Variants in TBC1D5 observed in about 807,000 individuals in gnomAD.
TBC1D5 encodes TBC1 domain family member 5.
In TBC1D5, 75 loss-of-function variants were observed where a neutral mutation model predicts 100.3. The ratio of observed to expected loss-of-function variants is 0.75; its 90% CI spans 0.62 to 0.91. The LOEUF is 0.91. Among genes scored for constraint, TBC1D5 ranks in the 40% least tolerant of loss-of-function variants. The probability of loss-of-function intolerance (pLI) is 0.00; values close to 1 mark genes in which losing one functional copy is unlikely to be tolerated. For missense variants in TBC1D5, 910 were observed against 942.4 expected, an observed-to-expected ratio of 0.97 and a Z score of 0.45; for synonymous variants, 323 against 325.6, an observed-to-expected ratio of 0.99 and a Z score of 0.09.
intron 1 of TBC1D5, among the ~76,000 whole-genome samples, chr3:17,628,197 C>G (rs1276994469): frequency 6.6e-6 from 1 of 151,988 alleles, no homozygotes; most frequent in Non-Finnish European, 1.5e-5. Flanking sequence ...GGCGAAACCC[C>G]TTCTCTACTA....
intron 2 of TBC1D5, among the ~76,000 whole-genome samples, chr3:17,622,113 G>C (rs774656328): frequency 1.3e-4 from 20 of 152,206 alleles, no homozygotes; most frequent in Non-Finnish European, 2.6e-4. Context: ...GCTGGGGAGA[G>C]ATGGTTTCGA....
In TBC1D5 at chr3:17,620,187, G is replaced by T. The variant is rs79898312; in HGVS notation, c.-36+3662C>A. On this transcript the variant is annotated intron_variant, in intron 2 of 21. Coordinates refer to ENST00000253692, the Ensembl canonical transcript of TBC1D5. ...AAAGTCTCACTCTGTCACCCAGATT[G>T]GAGTGTAATAGCTCACTGCAGCCTT... is the stretch of plus-strand genomic sequence containing the variant. Among the ~76,000 whole-genome samples, 379 of 152,306 alleles carry T rather than the reference G, an allele frequency of 2.5e-3. 1 individual carries two copies. Among genetic ancestry groups the T allele is most frequent in the Middle Eastern group, 6.8e-3 (2 of 292 alleles).
intron 18 of TBC1D5, among the ~76,000 whole-genome samples, chr3:17,197,519 G>C (rs775707821): frequency 6.6e-6 from 1 of 152,122 alleles, no homozygotes; most frequent in Non-Finnish European, 1.5e-5. Flanking sequence ...TAGAATTACA[G>C]GTGTGTGCCA....
chr3:17,166,956 G>GA (rs781376647), intron 20 of TBC1D5, 28 bp from the exon 22 acceptor site: 7 of 1,566,580 alleles, frequency 4.5e-6, no homozygotes, highest in East Asian at 2.3e-5. Flanking sequence ...GAAAATAAAT[G>GA]AAAAAAATGG....
chr3:17,709,816 A>C (rs2074538065), intron 1 of TBC1D5, among the ~76,000 whole-genome samples: 1 of 152,178 alleles, frequency 6.6e-6, no homozygotes, highest in Non-Finnish European at 1.5e-5. Flanking sequence ...AAGTACAAAA[A>C]AGTCATGTAC....
At chr3:17,412,916 T>C (rs1575775198) in intron 4 of TBC1D5, among the ~76,000 whole-genome samples, 1 of 152,230 alleles carries the variant, frequency 6.6e-6, no homozygotes, top group East Asian at 1.9e-4. Flanking sequence ...TATAGAAATA[T>C]ACCCTTGTTT....
At chr3:17,584,902 C>T (rs9310523) in intron 2 of TBC1D5, among the ~76,000 whole-genome samples, 45,161 of 152,074 alleles carry the variant, frequency 0.3, 7,158 homozygotes, top group Middle Eastern at 0.4. Flanking sequence ...GTATTTCACC[C>T]GCCTCAGACT....
At chr3:17,279,788 T>A (rs2080381704) in intron 15 of TBC1D5, among the ~76,000 whole-genome samples, 1 of 152,204 alleles carries the variant, frequency 6.6e-6, no homozygotes, top group South Asian at 2.1e-4. Context: ...TCTATTTACA[T>A]TAGAATATCT....
chr3:17,514,697 T>A (rs922815577), intron 2 of TBC1D5, among the ~76,000 whole-genome samples: 1 of 152,136 alleles, frequency 6.6e-6, no homozygotes, highest in African/African-American at 2.4e-5. Flanking sequence ...TAAAATGCTA[T>A]AAAGTCATGA....
In TBC1D5 at chr3:17,375,462, G is replaced by C. The variant is rs181553157; in HGVS notation, c.702-783C>G. On this transcript the variant is annotated intron_variant, in intron 10 of 21. Coordinates refer to ENST00000253692, the Ensembl canonical transcript of TBC1D5. Reference sequence around the variant, plus strand: ...CCCGCCTGTAGTCTCAGCTACTCGGGAGTCTGAGGCAGGAGAATCACTTGA... The same window carrying C: ...CCCGCCTGTAGTCTCAGCTACTCGGCAGTCTGAGGCAGGAGAATCACTTGA... Among the ~76,000 whole-genome samples the C allele has an allele frequency of 3.4e-3, 515 of 152,100 alleles. 2 individuals carry two copies. Among genetic ancestry groups the C allele is most frequent in the African/African-American group, 0.012 (501 of 41,496 alleles).
intron 5 of TBC1D5, among the ~76,000 whole-genome samples, chr3:17,405,319 A>G (rs578111107): frequency 6.6e-6 from 1 of 152,180 alleles, no homozygotes; most frequent in East Asian, 1.9e-4. Flanking sequence ...TAAGGAGCAC[A>G]AAGTCTGATT....
At chr3:17,699,008 C>T (rs1253713056) in intron 1 of TBC1D5, among the ~76,000 whole-genome samples, 1 of 150,806 alleles carries the variant, frequency 6.6e-6, no homozygotes, top group Non-Finnish European at 1.5e-5. Context: ...ATCTAGAACT[C>T]GAAATACCAT....
At chr3:17,305,229 G>A (rs532232059) in intron 14 of TBC1D5, among the ~76,000 whole-genome samples, 1 of 152,142 alleles carries the variant, frequency 6.6e-6, no homozygotes, top group Admixed American at 6.5e-5. Flanking sequence ...ACAGTTCTCT[G>A]GGGTTACAAC....
At chr3:17,540,393 G>A (rs530405583) in intron 2 of TBC1D5, among the ~76,000 whole-genome samples, 102 of 152,144 alleles carry the variant, frequency 6.7e-4, no homozygotes, top group Non-Finnish European at 1.1e-3. Flanking sequence ...AATAACTGCC[G>A]AATAAATCAC....
chr3:17,213,389 T>C (rs2073220330), intron 18 of TBC1D5, among the ~76,000 whole-genome samples: 2 of 152,192 alleles, frequency 1.3e-5, no homozygotes, highest in African/African-American at 2.4e-5. Context: ...AAACGTGAAG[T>C]TGGCTTATAA....
chr3:17,411,731 T>G (rs6787756), intron 4 of TBC1D5, among the ~76,000 whole-genome samples: 1 of 151,994 alleles, frequency 6.6e-6, no homozygotes, highest in Non-Finnish European at 1.5e-5. Flanking sequence ...ATACTACTTA[T>G]GTAATGAAGG....
exon 1 of TBC1D5, chr3:17,740,227 C>G (rs899982833): frequency 1.3e-5 from 2 of 151,688 alleles, no homozygotes; most frequent in African/African-American, 4.8e-5. Flanking sequence ...ACCTGGGAGG[C>G]TGAGGCAGGA....
chr3:17,353,001 A>G (rs1405913519), intron 13 of TBC1D5, among the ~76,000 whole-genome samples: 2 of 152,102 alleles, frequency 1.3e-5, no homozygotes, highest in African/African-American at 4.8e-5. Flanking sequence ...ATGCTTGCTA[A>G]GTAATTTTTG....
chr3:17,455,644 C>G (rs1043675866), intron 3 of TBC1D5, among the ~76,000 whole-genome samples: 1 of 151,486 alleles, frequency 6.6e-6, no homozygotes, highest in African/African-American at 2.4e-5. Flanking sequence ...TCGAAACCAA[C>G]CTGGGCAACA....
Sources: gnomAD v4.1 joint callset for allele counts (sites outside exome capture counted in the v4.1 genomes callset) on GRCh38, gnomAD v4.1.1 for gene constraint, MANE v1.5 for transcripts, NCBI Gene and HGNC (gene_info 2026-07-23, HGNC 2026-07-21) for gene names.